The following GRID2 variants were observed in gnomAD, a reference collection of about 807,000 sequenced individuals.
The protein encoded by GRID2 is glutamate ionotropic receptor delta type subunit 2.
Under a neutral mutation model 114.8 loss-of-function variants are expected in GRID2, and 33 were observed. The observed-to-expected ratio is 0.29, with a 90% confidence interval of 0.22 to 0.38. GRID2 has a LOEUF of 0.38. Ranked by LOEUF, GRID2 falls within the 10% of genes least tolerant of loss-of-function variation. The pLI is 1.00. For synonymous variants in GRID2, 505 were observed against 449.9 expected, an observed-to-expected ratio of 1.12 and a Z score of -1.55; for missense variants, 1,184 against 1,257.7, an observed-to-expected ratio of 0.94 and a Z score of 0.89.
intron 3 of GRID2, among the ~76,000 whole-genome samples, chr4:93,086,539 G>C (rs1460821452): frequency 1.3e-5 from 2 of 152,082 alleles, no homozygotes; most frequent in African/African-American, 4.8e-5. Context: ...ATGGGGTTTT[G>C]GCAGCCAGAG....
chr4:92,690,866 T>C (rs1734149049), intron 2 of GRID2, among the ~76,000 whole-genome samples: 1 of 152,124 alleles, frequency 6.6e-6, no homozygotes, highest in African/African-American at 2.4e-5. Flanking sequence ...GTCATATTCT[T>C]CCAAATCATG....
intron 9 of GRID2, among the ~76,000 whole-genome samples, chr4:93,398,749 G>GTT (rs35307252): frequency 1.1e-4 from 13 of 116,088 alleles, no homozygotes; most frequent in Admixed American, 1.8e-4. Context: ...TGGAAGCAGT[G>GTT]TTTTTTTTTT....
At chr4:92,872,185 A>T (rs1427388693) in intron 2 of GRID2, among the ~76,000 whole-genome samples, 1 of 152,208 alleles carries the variant, frequency 6.6e-6, no homozygotes, top group African/African-American at 2.4e-5. Context: ...ATTTATTAGG[A>T]TAAAATGAAA....
At position 93,648,627 on chromosome 4, in the gene GRID2, C is replaced by A. The variant is rs75474373; in HGVS notation, c.2360+22192C>A. On this transcript the variant is annotated intron_variant, in intron 14 of 15. Coordinates refer to ENST00000282020, the MANE Select transcript of GRID2 (RefSeq NM_001510.4). ...CATTTTTAGCCAAGCATCAGGATCACCTGAACGGTCTGTTAAAACACATTT... is the reference window on the plus strand; with the variant it reads ...CATTTTTAGCCAAGCATCAGGATCAACTGAACGGTCTGTTAAAACACATTT... Among the ~76,000 whole-genome samples, 1,160 of 152,322 alleles carry A rather than the reference C, an allele frequency of 7.6e-3. 31 individuals carry two copies. The East Asian group carries it at 0.083, about 11-fold the overall frequency.
At chr4:93,676,847 C>A (rs965794872) in intron 14 of GRID2, among the ~76,000 whole-genome samples, 1 of 151,720 alleles carries the variant, frequency 6.6e-6, no homozygotes, top group African/African-American at 2.4e-5. Flanking sequence ...CTAGTGTGAG[C>A]GATGCAGAAG....
At chr4:93,631,763 T>C (rs1264265531) in intron 14 of GRID2, among the ~76,000 whole-genome samples, 3 of 152,216 alleles carry the variant, frequency 2.0e-5, no homozygotes, top group Non-Finnish European at 4.4e-5. Flanking sequence ...ATGGTATTTC[T>C]AGTTCTAGAT....
chr4:92,936,843 G>C, intron 2 of GRID2, among the ~76,000 whole-genome samples: 1 of 146,520 alleles, frequency 6.8e-6, no homozygotes. Flanking sequence ...ATATATGTAT[G>C]TTTTGTTTGT....
chr4:92,894,190 T>A (rs1032784663), intron 2 of GRID2, among the ~76,000 whole-genome samples: 3 of 152,196 alleles, frequency 2.0e-5, no homozygotes, highest in Non-Finnish European at 4.4e-5. Context: ...TTCATAAGGT[T>A]GATCAAACCT....
chr4:92,586,901 A>AT (rs760707171), intron 1 of GRID2, among the ~76,000 whole-genome samples: 1 of 151,976 alleles, frequency 6.6e-6, no homozygotes, highest in Non-Finnish European at 1.5e-5. Flanking sequence ...GCATGTCAGT[A>AT]TGTTTGTATA....
At chr4:92,721,712 G>A (rs149599338) in intron 2 of GRID2, among the ~76,000 whole-genome samples, 1,536 of 152,116 alleles carry the variant, frequency 0.01, 23 homozygotes, top group African/African-American at 0.035. Flanking sequence ...TAAATATTTT[G>A]TGGCTGCCTC....
At chr4:93,351,714 T>C (rs1184986425) in intron 8 of GRID2, among the ~76,000 whole-genome samples, 2 of 151,920 alleles carry the variant, frequency 1.3e-5, no homozygotes, top group Admixed American at 6.6e-5. Flanking sequence ...GTTTTTATAA[T>C]GTTATTATGT....
At chr4:93,064,094 A>C (rs1236793399) in intron 2 of GRID2, among the ~76,000 whole-genome samples, 1 of 147,578 alleles carries the variant, frequency 6.8e-6, no homozygotes, top group Non-Finnish European at 1.5e-5. Flanking sequence ...TACACTATAT[A>C]ACAGTAAAAC....
At chr4:92,315,574 C>A (rs1725923875) in intron 1 of GRID2, among the ~76,000 whole-genome samples, 1 of 152,058 alleles carries the variant, frequency 6.6e-6, no homozygotes, top group Non-Finnish European at 1.5e-5. Context: ...GAAGTGTTTA[C>A]TATATATAAC....
rs984583472 is a variant in GRID2, at chr4:92,718,592, C to T, written c.244+128306C>T. Among the ~76,000 whole-genome samples, 5 of 151,762 alleles carry T rather than the reference C, an allele frequency of 3.3e-5. No homozygotes were observed. In the East Asian group the frequency reaches 9.7e-4, roughly 29 times the overall value. ...CAGCTTAGGCAACATAGAGAGACCC[C>T]GTCTCTGCAATTTTTTTTTAAACAG... On this transcript the variant is annotated intron_variant, in intron 2 of 15. Transcript: ENST00000282020.
chr4:93,153,484 C>A (rs781552976), intron 4 of GRID2, among the ~76,000 whole-genome samples: 1 of 152,042 alleles, frequency 6.6e-6, no homozygotes, highest in African/African-American at 2.4e-5. Context: ...CTTTTTCATC[C>A]TTTTCCTAAG....
At chr4:93,303,472 C>G (rs1412112932) in intron 8 of GRID2, among the ~76,000 whole-genome samples, 1 of 152,124 alleles carries the variant, frequency 6.6e-6, no homozygotes, top group Non-Finnish European at 1.5e-5. Context: ...GTAGGATGGG[C>G]TGATATGCCA....
Position 93,216,807 on chromosome 4 carries a change from A to G in GRID2, c.859A>G (p.Thr287Ala), listed in dbSNP as rs759545682. ...TGGAAGGTTAACGATTATTCGGCAG[A>G]CATTTCCAGTTCCCCAGAACATAAG... Reference protein sequence around the residue: ...SIGRLTIIRQTFPVPQNISQR... With the variant: ...SIGRLTIIRQAFPVPQNISQR... The change falls in exon 6 of 16, where the codon ACA becomes GCA. Residue 287 changes from threonine (T) to alanine (A), a missense_variant. Physicochemically the swap from Thr to Ala is moderately conservative, Grantham distance 58 (BLOSUM62 0). This residue lies in a region of GRID2 where 455 missense variants were observed against 429.5 expected (regional missense o/e 1.06). Coordinates refer to ENST00000282020, the MANE Select transcript of GRID2 (RefSeq NM_001510.4). The G allele has an allele frequency of 1.2e-6, 2 of 1,612,540 alleles. No individual in the cohort carries two copies. Among genetic ancestry groups the G allele is most frequent in the Admixed American group, 1.7e-5 (1 of 59,984 alleles).
At chr4:93,299,024 G>A (rs1259488511) in intron 8 of GRID2, among the ~76,000 whole-genome samples, 1 of 152,166 alleles carries the variant, frequency 6.6e-6, no homozygotes, top group Non-Finnish European at 1.5e-5. Flanking sequence ...GAGAAAAAAT[G>A]TAGTTATGAT....
At chr4:93,331,735 G>C (rs1009515615) in intron 8 of GRID2, among the ~76,000 whole-genome samples, 16 of 152,054 alleles carry the variant, frequency 1.1e-4, no homozygotes, top group Non-Finnish European at 1.0e-4. Flanking sequence ...CAGACTGGTA[G>C]ACTCTATCAA....
Sources: gnomAD v4.1 joint callset for allele counts (sites outside exome capture counted in the v4.1 genomes callset) on GRCh38, gnomAD v4.1.1 for gene constraint, gnomAD v4.1.1 regional missense constraint, MANE v1.5 for transcripts, NCBI Gene and HGNC (gene_info 2026-07-23, HGNC 2026-07-21) for gene names.